POU6F2: variants seen among roughly 807,000 people sequenced by gnomAD.
POU6F2 encodes POU class 6 homeobox 2.
A neutral mutation model predicts 71.3 loss-of-function variants in POU6F2; 31 were observed. The observed-to-expected ratio is 0.43, with a 90% CI of 0.33 to 0.59. The LOEUF (loss-of-function observed/expected upper bound fraction) is 0.59, where lower values mean the gene tolerates loss of function less well. POU6F2 is among the 20% of genes least tolerant of loss of function. POU6F2 has a pLI of 0.04. For synonymous variants in POU6F2, 347 were observed against 355.7 expected (o/e 0.98, Z 0.27); for missense variants, 783 against 856.8 (o/e 0.91, Z 1.07).
chr7:39,347,453 C>G (rs1786052997), intron 5 of POU6F2, among the ~76,000 whole-genome samples: 1 of 152,074 alleles, frequency 6.6e-6, no homozygotes, highest in Non-Finnish European at 1.5e-5. Context: ...GAGGAGCACA[C>G]ACAGTACAGG....
At chr7:39,041,296 A>G (rs1790189451) in intron 1 of POU6F2, among the ~76,000 whole-genome samples, 1 of 152,012 alleles carries the variant, frequency 6.6e-6, no homozygotes, top group Non-Finnish European at 1.5e-5. Flanking sequence ...GTTATCCTGT[A>G]AAGAAGTATG....
rs1004068667 is a variant in POU6F2, at chr7:39,221,732, G to C, written c.598+14112G>C. Among the ~76,000 whole-genome samples the C allele has an allele frequency of 5.3e-5, 8 of 152,062 alleles. No homozygotes were observed. In the East Asian group the frequency reaches 1.5e-3, roughly 29 times the overall value. Reference sequence around the variant, plus strand: ...TAAAAATTAGTACGCTTTTTACTGTGAAATATAGAGAAATTATGTGCTTCA... The same window carrying C: ...TAAAAATTAGTACGCTTTTTACTGTCAAATATAGAGAAATTATGTGCTTCA... On this transcript the variant is annotated intron_variant, in intron 4 of 9. Transcript: ENST00000518318.
At chr7:39,345,138 A>G (rs1478664279) in intron 5 of POU6F2, among the ~76,000 whole-genome samples, 1 of 152,210 alleles carries the variant, frequency 6.6e-6, no homozygotes, top group Non-Finnish European at 1.5e-5. Context: ...GAGGCAAAAG[A>G]AAAAAATCAG....
At position 39,000,530 on chromosome 7, in the gene POU6F2, GACACACACACACACACACAC is replaced by G. The variant is rs5883670; in HGVS notation, c.105+22489_105+22508del. 3.3e-4 allele frequency among the ~76,000 whole-genome samples: 47 copies of G among 141,250 alleles called. No homozygotes were observed. In the East Asian group the frequency reaches 4.2e-3, roughly 13 times the overall value. The allele number at this position is 141,250 out of a possible 152,430, so 92.7% of individuals were successfully genotyped here. On this transcript the variant is annotated intron_variant, in intron 1 of 9. Coordinates refer to ENST00000518318, the MANE Select transcript of POU6F2 (RefSeq NM_001370959.1). ...TCTCCATTTTCTCAACATACCCACA[GACACACACACACACACACAC>G]ACACACACACACACACCCTCCCAAC...
intron 1 of POU6F2, among the ~76,000 whole-genome samples, chr7:39,065,356 T>C (rs1243135685): frequency 3.3e-5 from 5 of 151,758 alleles, no homozygotes; most frequent in Admixed American, 6.6e-5. Flanking sequence ...AAAACATGAA[T>C]ATGATAATTC....
chr7:39,433,370 C>T, intron 7 of POU6F2, 87 bp downstream of exon 7: 1 of 1,432,274 alleles, frequency 7.0e-7, no homozygotes, highest in Non-Finnish European at 9.6e-7. Flanking sequence ...TGAAAAGTAA[C>T]TTTTACATTA....
intron 1 of POU6F2, among the ~76,000 whole-genome samples, chr7:38,992,221 G>T (rs1788621717): frequency 6.6e-6 from 1 of 152,120 alleles, no homozygotes; most frequent in African/African-American, 2.4e-5. Flanking sequence ...GCCTCAAGTT[G>T]CCTTTGCTCC....
intron 4 of POU6F2, among the ~76,000 whole-genome samples, chr7:39,309,565 A>G (rs1387143974): frequency 6.6e-6 from 1 of 152,224 alleles, no homozygotes; most frequent in African/African-American, 2.4e-5. Flanking sequence ...CCTTTAAAAA[A>G]AATTTTTTTT....
intron 2 of POU6F2, among the ~76,000 whole-genome samples, chr7:39,156,975 CT>C (rs1173240114): frequency 6.6e-6 from 1 of 152,144 alleles, no homozygotes; most frequent in East Asian, 1.9e-4. Context: ...GGGGAGTTTT[CT>C]TTTGTTTCTA....
At chr7:39,162,817 A>G (rs997278951) in intron 2 of POU6F2, among the ~76,000 whole-genome samples, 3 of 152,184 alleles carry the variant, frequency 2.0e-5, no homozygotes, top group Non-Finnish European at 2.9e-5. Context: ...CATTTCTTCT[A>G]CTACCTTAGT....
intron 4 of POU6F2, among the ~76,000 whole-genome samples, chr7:39,322,301 G>A (rs890630412): frequency 6.6e-6 from 1 of 152,162 alleles, no homozygotes; most frequent in Non-Finnish European, 1.5e-5. Flanking sequence ...TCCGCCGCCT[G>A]CTCACTCAAC....
chr7:39,364,167 T>G (rs552285433), intron 5 of POU6F2, among the ~76,000 whole-genome samples: 39 of 151,904 alleles, frequency 2.6e-4, no homozygotes, highest in Non-Finnish European at 4.6e-4. Context: ...AGCATTGTCA[T>G]CCACAGGAAC....
At chr7:39,184,263 G>A (rs921624688) in intron 2 of POU6F2, among the ~76,000 whole-genome samples, 11 of 152,122 alleles carry the variant, frequency 7.2e-5, no homozygotes, top group African/African-American at 2.4e-4. Context: ...CCCTTCAGGT[G>A]CAGAAAAAAT....
intron 1 of POU6F2, among the ~76,000 whole-genome samples, chr7:39,021,155 ATTTATGGGGTACAC>A (rs1789672108): frequency 6.6e-6 from 1 of 151,766 alleles, no homozygotes; most frequent in South Asian, 2.1e-4. Context: ...AATATTATAT[ATTTATGGGGTACAC>A]TGTAATGTTT....
chr7:39,112,690 T>C (rs1187467438), intron 2 of POU6F2, among the ~76,000 whole-genome samples: 1 of 152,162 alleles, frequency 6.6e-6, no homozygotes, highest in African/African-American at 2.4e-5. Flanking sequence ...ATCAGTGTTT[T>C]ACTTGAGAAA....
At position 39,441,509 on chromosome 7, in the gene POU6F2, G is replaced by A. The variant is rs116099848; in HGVS notation, c.1320+8226G>A. 6.4e-3 allele frequency among the ~76,000 whole-genome samples: 969 copies of A among 152,184 alleles called. 5 individuals carry two copies. The highest frequency in any genetic ancestry group is 0.022 in the African/African-American group (927 of 41,542). On this transcript the variant is annotated intron_variant, in intron 7 of 9. Transcript: ENST00000518318. ...GGAAGGAAGACTAAGAGTCCCTCTTGGGAAACATCAGCATTTAAGGAATGG... is the reference window on the plus strand; with the variant it reads ...GGAAGGAAGACTAAGAGTCCCTCTTAGGAAACATCAGCATTTAAGGAATGG...
intron 1 of POU6F2, among the ~76,000 whole-genome samples, chr7:38,989,106 G>A (rs929150477): frequency 7.9e-5 from 12 of 152,038 alleles, no homozygotes; most frequent in African/African-American, 1.7e-4. Context: ...GATAGCTTTC[G>A]TCAAAGAGCT....
chr7:39,355,132 A>G (rs1411511973), intron 5 of POU6F2, among the ~76,000 whole-genome samples: 1 of 152,218 alleles, frequency 6.6e-6, no homozygotes, highest in Admixed American at 6.5e-5. Flanking sequence ...CTGGCACTCA[A>G]GAGGCTGTGC....
intron 2 of POU6F2, among the ~76,000 whole-genome samples, chr7:39,202,805 C>T (rs960295501): frequency 1.3e-5 from 2 of 152,192 alleles, no homozygotes; most frequent in African/African-American, 4.8e-5. Flanking sequence ...AAATGCCAAA[C>T]ATATTTTGTC....
Sources: allele counts gnomAD v4.1 joint callset (sites outside exome capture counted in the v4.1 genomes callset), GRCh38; gene constraint gnomAD v4.1.1; transcripts MANE v1.5; gene names NCBI Gene and HGNC (gene_info 2026-07-23, HGNC 2026-07-21).